The following STAB2 variants were observed in gnomAD, a reference collection of about 807,000 sequenced individuals.
STAB2 encodes the protein stabilin 2, also known as stabilin-2.
Under a neutral mutation model 338.1 loss-of-function variants are expected in STAB2, and 288 were observed. That is an observed-to-expected ratio of 0.85 (90% CI 0.77 to 0.94). The LOEUF (loss-of-function observed/expected upper bound fraction) is 0.94. Ranked by LOEUF, STAB2 falls within the 40% of genes least tolerant of loss-of-function variation. The pLI, the probability that STAB2 is intolerant of heterozygous loss-of-function variation, is 0.00. For synonymous variants in STAB2, 1,202 were observed against 1,193.3 expected, an observed-to-expected ratio of 1.01 and a Z score of -0.15; for missense variants, 3,141 against 3,210.1, an observed-to-expected ratio of 0.98 and a Z score of 0.52.
chr12:103,593,594 G>A lies in STAB2; in HGVS notation c.216-801G>A, dbSNP rs146871206. ...AAAAAGTCAACTCTATCCCCAACTT[G>A]ACTGTTCGTAAAGTATGTGACTGTG... On this transcript the variant is annotated intron_variant, in intron 2 of 68. Transcript: ENST00000388887. Among the ~76,000 whole-genome samples the A allele has an allele frequency of 7.3e-3, 1,106 of 152,262 alleles. 8 individuals are homozygous for A. Among genetic ancestry groups the A allele is most frequent in the Non-Finnish European group, 9.8e-3 (669 of 68,012 alleles).
chr12:103,686,576 C>G (rs893718345), intron 27 of STAB2, among the ~76,000 whole-genome samples: 4 of 152,170 alleles, frequency 2.6e-5, no homozygotes, highest in Admixed American at 2.0e-4. Context: ...ATGATTATGG[C>G]TCACTGCAGC....
Position 103,648,678 on chromosome 12 carries a change from C to A in STAB2, c.1041-12C>A. On this transcript the variant is annotated splice_polypyrimidine_tract_variant and intron_variant, in intron 9 of 68. Coordinates refer to ENST00000388887, the MANE Select transcript of STAB2 (RefSeq NM_017564.10). ...CTAAAACCCTGAGGATGTCTTTTCC[C>A]CCTCTCTGTAGATGCATTTGCCAGA... is the stretch of plus-strand genomic sequence containing the variant. 6.2e-7 allele frequency: 1 copy of A among 1,612,206 alleles called. No homozygotes were observed. Among genetic ancestry groups the A allele is most frequent in the South Asian group, 1.1e-5 (1 of 90,642 alleles).
chr12:103,606,755 C>G (rs923148057), intron 3 of STAB2, among the ~76,000 whole-genome samples: 4 of 152,038 alleles, frequency 2.6e-5, no homozygotes, highest in African/African-American at 9.7e-5. Flanking sequence ...GAGGATGAGA[C>G]AGGTGGATCA....
At chr12:103,759,054 C>A in intron 64 of STAB2, 79 bp from the exon 65 acceptor site, 1 of 1,610,012 alleles carries the variant, frequency 6.2e-7, no homozygotes, top group Middle Eastern at 1.7e-4. Flanking sequence ...AAGCAATTTT[C>A]TTCGTCATCC....
rs191222646 is a variant in STAB2, at chr12:103,711,618, A to C, written c.4334+102A>C. ...CTCAGGGGATTTGTTTCCTGACACC[A>C]TTTCTGAGGGCTTAGGATAAACTTG... On this transcript the variant is annotated intron_variant, in intron 40 of 68. Transcript: ENST00000388887. 12 of 1,331,784 alleles carry C rather than the reference A, an allele frequency of 9.0e-6. No homozygotes were observed. In the East Asian group the frequency reaches 2.6e-4, roughly 29 times the overall value. The allele number at this position is 1,331,784 out of a possible 1,614,324, so 82.5% of individuals were successfully genotyped here. A position where few individuals can be genotyped will look rare whatever the true frequency, so the allele number is the denominator to read the frequency against.
chr12:103,610,609 T>A (rs1019871152), intron 3 of STAB2, among the ~76,000 whole-genome samples: 1 of 152,240 alleles, frequency 6.6e-6, no homozygotes, highest in African/African-American at 2.4e-5. Flanking sequence ...TAGCGGTCTA[T>A]CAATTTTGTT....
At chr12:103,698,982 A>G (rs990640572) in intron 33 of STAB2, 114 bp from the exon 34 acceptor site, 1 of 1,340,788 alleles carries the variant, frequency 7.5e-7, no homozygotes, top group Non-Finnish European at 1.0e-6. Flanking sequence ...CAAAACTTCC[A>G]CTTGGACAAG....
Position 103,753,217 on chromosome 12 carries a change from C to T in STAB2, c.6581-3C>T, listed in dbSNP as rs1322249080. 15 of 1,613,908 alleles carry T rather than the reference C, an allele frequency of 9.3e-6. No homozygotes were observed. In the East Asian group the frequency reaches 2.4e-4, roughly 26 times the overall value. The stretch of plus-strand genomic sequence containing the variant: ...TGGGCGATTCCTCCTCTTCCTCATC[C>T]AGATACCACTGTTGGGGTGTTCCAT... On this transcript the variant is annotated splice_polypyrimidine_tract_variant and splice_region_variant and intron_variant, in intron 60 of 68. Transcript: ENST00000388887.
At chr12:103,610,635 C>T (rs113461295) in intron 3 of STAB2, among the ~76,000 whole-genome samples, 2 of 152,118 alleles carry the variant, frequency 1.3e-5, no homozygotes, top group East Asian at 1.9e-4. Flanking sequence ...TTTCAAAAAA[C>T]CAGCTCCTGG....
chr12:103,763,612 A>C lies in STAB2; in HGVS notation c.7605+4A>C, dbSNP rs1335579015. 1 of 1,612,546 alleles carries C rather than the reference A, an allele frequency of 6.2e-7. No homozygotes were observed. The highest frequency in any genetic ancestry group is 1.6e-4 in the Middle Eastern group (1 of 6,080). On this transcript the variant is annotated splice_donor_region_variant and intron_variant, in intron 68 of 68. Transcript: ENST00000388887. ...ACCTTCCTACGACCCCTTCACGGTGAGTTTGCATTCTTATCTAGGAATAGG... is the reference window on the plus strand; with the variant it reads ...ACCTTCCTACGACCCCTTCACGGTGCGTTTGCATTCTTATCTAGGAATAGG...
In STAB2 at chr12:103,669,590, C is replaced by T. The variant is rs1278046568; in HGVS notation, c.2222C>T (p.Pro741Leu). The T allele has an allele frequency of 3.7e-6, 6 of 1,614,162 alleles. No homozygotes were observed. The highest frequency in any genetic ancestry group is 4.2e-6 in the Non-Finnish European group (5 of 1,180,032). The part of the protein sequence containing the change: ...GFYGPDCNQC[P>L]GGFSNPCSGN... ...TATGGACCTGACTGCAACCAGTGTC[C>T]AGGAGGCTTCTCAAATCCATGCTCA... Residue 741 changes from proline (P) to leucine (L), a missense_variant, in exon 21 of 69, where the codon CCA (proline) becomes CTA (leucine). By Grantham distance (98) the Pro-to-Leu change is moderately conservative (BLOSUM62 -3). Transcript: ENST00000388887.
intron 55 of STAB2, among the ~76,000 whole-genome samples, 159 bp from the exon 56 acceptor site, chr12:103,742,246 T>C (rs910435402): frequency 6.6e-5 from 10 of 152,208 alleles, no homozygotes; most frequent in Admixed American, 6.5e-4. Context: ...ATAAAGTTCA[T>C]GTCCCATAGG....
chr12:103,676,914 A>G (rs1028068915), intron 24 of STAB2, among the ~76,000 whole-genome samples: 30 of 152,154 alleles, frequency 2.0e-4, no homozygotes, highest in Non-Finnish European at 4.0e-4. Context: ...CCCAGCCTAC[A>G]GATTCCTTTG....
chr12:103,669,498 T>A, intron 20 of STAB2, 43 bp from the exon 21 acceptor site: 1 of 1,499,060 alleles, frequency 6.7e-7, no homozygotes, highest in Non-Finnish European at 9.3e-7. Context: ...GAATTGGTGC[T>A]CTACTTGGGG....
At chr12:103,708,289 G>T (rs906897388) in intron 38 of STAB2, 152 bp from the exon 39 acceptor site, 11 of 692,278 alleles carry the variant, frequency 1.6e-5, no homozygotes, top group Admixed American at 1.0e-4. Context: ...CTGCACCCCT[G>T]CCCTTTTTGT....
chr12:103,702,962 G>A (rs139958934), intron 34 of STAB2, among the ~76,000 whole-genome samples, 186 bp from the exon 35 acceptor site: 38 of 152,280 alleles, frequency 2.5e-4, no homozygotes, highest in Non-Finnish European at 3.5e-4. Context: ...GCTAGATGGC[G>A]CCAGGACTGT....
intron 3 of STAB2, among the ~76,000 whole-genome samples, chr12:103,599,274 C>T (rs948939285): frequency 3.3e-5 from 5 of 152,148 alleles, no homozygotes; most frequent in Admixed American, 1.3e-4. Context: ...AGAAACAGAC[C>T]AGCTGATTTG....
In STAB2 at chr12:103,637,232, C is replaced by A; in HGVS notation, c.705C>A (p.Cys235Ter). The A allele has an allele frequency of 1.2e-6, 2 of 1,609,288 alleles. No homozygotes were observed. Among genetic ancestry groups the A allele is most frequent in the Non-Finnish European group, 1.7e-6 (2 of 1,178,422 alleles). Residue 235 changes from cysteine to a stop codon, truncating the protein, a stop_gained, in exon 7 of 69, where the codon TGC (cysteine) becomes TGA (stop). Coordinates refer to ENST00000388887, the MANE Select transcript of STAB2 (RefSeq NM_017564.10). LOFTEE classifies it high-confidence loss of function. ...LPNYRGDGKY[C>*]DPINPCLRKI... ...ATTACCGAGGCGATGGCAAATACTG[C>A]GACCGTGAGTAGAATTTAGATTCTG... is the stretch of plus-strand genomic sequence containing the variant.
intron 61 of STAB2, among the ~76,000 whole-genome samples, chr12:103,754,290 C>A (rs1883922793): frequency 6.6e-6 from 1 of 151,922 alleles, no homozygotes; most frequent in South Asian, 2.1e-4. Flanking sequence ...TGTGGAAGGA[C>A]TAAATGTAAT....
Sources: allele counts gnomAD v4.1 joint callset (sites outside exome capture counted in the v4.1 genomes callset), GRCh38; gene constraint gnomAD v4.1.1; transcripts MANE v1.5; gene names NCBI Gene and HGNC (gene_info 2026-07-23, HGNC 2026-07-21).